MSH5: variants seen among roughly 807,000 people sequenced by gnomAD.
MSH5 encodes mutS protein homolog 5.
In MSH5, 78 loss-of-function variants were observed where a neutral mutation model predicts 107.7. That is an observed-to-expected ratio of 0.72 (90% confidence interval 0.60 to 0.87). MSH5 has a LOEUF of 0.87. Among genes scored for constraint, MSH5 ranks in the 40% least tolerant of loss-of-function variants. The pLI is 0.00. For missense variants in MSH5, 889 were observed against 1,046.6 expected, an observed-to-expected ratio of 0.85 and a Z score of 2.08; for synonymous variants, 326 against 399.5, an observed-to-expected ratio of 0.82 and a Z score of 2.19.
intron 10 of MSH5, among the ~76,000 whole-genome samples, chr6:31,750,845 A>G (rs1366375459): frequency 1.3e-5 from 2 of 152,206 alleles, no homozygotes; most frequent in Admixed American, 6.5e-5. Context: ...TGGCTCTTAT[A>G]TAAGATGGCA....
Position 31,761,060 on chromosome 6 carries a change from C to A in MSH5, c.1963-128C>A. The A allele has an allele frequency of 9.6e-7, 1 of 1,044,516 alleles. No homozygotes were observed. Among genetic ancestry groups the A allele is most frequent in the Non-Finnish European group, 1.4e-6 (1 of 708,210 alleles). The allele number at this position is 1,044,516 out of a possible 1,614,324, so 64.7% of individuals were successfully genotyped here. On this transcript the variant is annotated intron_variant, in intron 20 of 24. Coordinates refer to ENST00000375750, the MANE Select transcript of MSH5 (RefSeq NM_172166.4). This position sits in a 1 kb window ranked among gnomAD's most constrained non-coding sequence, Gnocchi z 5.3. ...GCAAAGAGGATGAACAAAGCGTGCA[C>A]CTCACCATTCAAGAACTTGCAGTGC...
Position 31,758,077 on chromosome 6 carries a change from C to G in MSH5, c.1015-88C>G. 1 of 1,527,780 alleles carries G rather than the reference C, an allele frequency of 6.5e-7. No homozygotes were observed. The highest frequency in any genetic ancestry group is 9.0e-7 in the Non-Finnish European group (1 of 1,111,094). 94.6% of individuals were successfully genotyped at this position (1,527,780 alleles called of 1,614,324 possible). A position where few individuals can be genotyped will look rare whatever the true frequency, so the allele number is the denominator to read the frequency against. On this transcript the variant is annotated intron_variant, in intron 12 of 24. Coordinates refer to ENST00000375750, the MANE Select transcript of MSH5 (RefSeq NM_172166.4). This position sits in a 1 kb window ranked among gnomAD's most constrained non-coding sequence, Gnocchi z 5.1. The stretch of plus-strand genomic sequence containing the variant: ...CTCTTTGTTACTGTGATCTTCCCTA[C>G]TGGTCTTTGTTCTTCTGAGTCTGTC...
At chr6:31,741,060 C>T in intron 2 of MSH5, 103 bp from the exon 3 acceptor site, 3 of 1,432,558 alleles carry the variant, frequency 2.1e-6, no homozygotes, top group Non-Finnish European at 2.8e-6. Context: ...GTGATGATGC[C>T]TATCTCAGAG....
intron 8 of MSH5, 110 bp from the exon 9 acceptor site, chr6:31,745,122 AAAAAG>A: frequency 6.2e-6 from 4 of 641,896 alleles, no homozygotes; most frequent in Admixed American, 3.0e-5. Context: ...AAAAAAAAAA[AAAAAG>A]ACGTGATCTC....
At chr6:31,751,800 T>C (rs1809982005) in intron 10 of MSH5, 1 of 151,698 alleles carries the variant, frequency 6.6e-6, no homozygotes, top group Non-Finnish European at 1.5e-5. Flanking sequence ...ATAAAAACTA[T>C]TAATAGTAAT....
chr6:31,741,656 A>G (rs1808922893), intron 3 of MSH5, among the ~76,000 whole-genome samples: 1 of 152,110 alleles, frequency 6.6e-6, no homozygotes. Flanking sequence ...TGCTGGGACT[A>G]CAGGTGTGAG....
rs754163779 is a variant in MSH5 at position 31,758,518 on chromosome 6, G to A, written c.1144-30G>A. 1 of 1,611,644 alleles carries A rather than the reference G, an allele frequency of 6.2e-7. No individual in the cohort carries two copies. The highest frequency in any genetic ancestry group is 2.2e-5 in the East Asian group (1 of 44,866). On this transcript the variant is annotated intron_variant, in intron 13 of 24. Coordinates refer to ENST00000375750, the MANE Select transcript of MSH5 (RefSeq NM_172166.4). The surrounding 1 kb of genome is among the most constrained non-coding windows in gnomAD (Gnocchi z 5.1). Reference sequence around the variant, plus strand: ...CTGAGGAACAGGACAGAGGGTGCCAGGTCCTAAGAAACAGTACTTATCTCC... The same window carrying A: ...CTGAGGAACAGGACAGAGGGTGCCAAGTCCTAAGAAACAGTACTTATCTCC...
chr6:31,743,114 A>T lies in MSH5; in HGVS notation c.359A>T (p.Gln120Leu). Residue 120 changes from glutamine (Q) to leucine (L), a missense_variant, in exon 5 of 25, where the codon CAG becomes CTG. Around this residue, in one of 3 missense-constraint regions of MSH5, gnomAD observed 518 missense variants for 565.0 expected, o/e 0.92. Coordinates refer to ENST00000375750, the MANE Select transcript of MSH5 (RefSeq NM_172166.4). ...TTTCTTTCCTCCCCCACAGCCTCCC[A>T]GGAGCACAGAGAGCCTAAAAGACCT... ...MTRFLGKLAS[Q>L]EHREPKRPEI... The T allele has an allele frequency of 6.2e-7, 1 of 1,613,044 alleles. No individual in the cohort carries two copies. The highest frequency in any genetic ancestry group is 1.3e-5 in the African/African-American group (1 of 75,050).
rs1208079812 is a variant in MSH5, at chr6:31,761,384, G to C, written c.2038-88G>C. ...GGGCTGTGTGGGCAGAAAAGAAATA[G>C]AACACGAGACAGGGAAAGGCAGTGC... On this transcript the variant is annotated intron_variant, in intron 21 of 24. Transcript: ENST00000375750. This position sits in a 1 kb window ranked among gnomAD's most constrained non-coding sequence, Gnocchi z 5.3. 1.2e-6 allele frequency: 2 copies of C among 1,604,874 alleles called. No homozygotes were observed. Among genetic ancestry groups the C allele is most frequent in the Non-Finnish European group, 1.7e-6 (2 of 1,174,758 alleles).
chr6:31,747,690 A>G (rs887030192), intron 10 of MSH5, among the ~76,000 whole-genome samples: 1 of 152,092 alleles, frequency 6.6e-6, no homozygotes, highest in Non-Finnish European at 1.5e-5. Flanking sequence ...AGACTTGCAC[A>G]CATACAAGCA....
chr6:31,745,477 C>G (rs1809350997), intron 9 of MSH5, among the ~76,000 whole-genome samples, 158 bp downstream of exon 9: 1 of 152,082 alleles, frequency 6.6e-6, no homozygotes, highest in Non-Finnish European at 1.5e-5. Context: ...CCCCCCGCCC[C>G]CCAAGCTTGA....
chr6:31,761,639 C>T lies in MSH5; in HGVS notation c.2181+24C>T, dbSNP rs756822842. On this transcript the variant is annotated intron_variant, in intron 22 of 24. Transcript: ENST00000375750. This position sits in a 1 kb window ranked among gnomAD's most constrained non-coding sequence, Gnocchi z 5.3. ...TGGTGAGGAGACCAATCTAGCTCCTCGGGGACCCCCAGGCTGGGCATTTCC... is the reference window on the plus strand; with the variant it reads ...TGGTGAGGAGACCAATCTAGCTCCTTGGGGACCCCCAGGCTGGGCATTTCC... The T allele has an allele frequency of 8.0e-5, 129 of 1,613,810 alleles. 2 individuals are homozygous for T. The South Asian group carries it at 9.7e-4, about 12-fold the overall frequency.
rs1810909364 is a variant in MSH5, at chr6:31,760,673, T to C, written c.1813-17T>C. ...CCACGGCACCAGGCCCCAGGCCCTG[T>C]CTCCTTCCCTATTCAGGTAGGCTTG... On this transcript the variant is annotated splice_polypyrimidine_tract_variant and intron_variant, in intron 19 of 24. Coordinates refer to ENST00000375750, the MANE Select transcript of MSH5 (RefSeq NM_172166.4). The surrounding 1 kb of genome is among the most constrained non-coding windows in gnomAD (Gnocchi z 5.6). 4.3e-6 allele frequency: 7 copies of C among 1,612,796 alleles called. No homozygotes were observed. In the East Asian group the frequency reaches 1.6e-4, roughly 36 times the overall value.
Position 31,759,115 on chromosome 6 carries a change from A to C in MSH5, c.1345A>C (p.Ile449Leu). 1 of 1,612,940 alleles carries C rather than the reference A, an allele frequency of 6.2e-7. No homozygotes were observed. Among genetic ancestry groups the C allele is most frequent in the Non-Finnish European group, 8.5e-7 (1 of 1,179,994 alleles). Residue 449 changes from isoleucine to leucine, a missense_variant, in exon 16 of 25, where the codon ATT becomes CTT. Around this residue, in one of 3 missense-constraint regions of MSH5, gnomAD observed 518 missense variants for 565.0 expected, o/e 0.92. Coordinates refer to ENST00000375750, the MANE Select transcript of MSH5 (RefSeq NM_172166.4). This position sits in a 1 kb window ranked among gnomAD's most constrained non-coding sequence, Gnocchi z 4.7. Reference sequence around the variant, plus strand: ...TCCCCAGATTGGCTTCCTTCTTTCTATTCCCCGCCTGCCTTCCATGGTAGA... The same window carrying C: ...TCCCCAGATTGGCTTCCTTCTTTCTCTTCCCCGCCTGCCTTCCATGGTAGA... ...YIPLIGFLLS[I>L]PRLPSMVEAS...
At chr6:31,753,278 C>T in intron 10 of MSH5, 23 bp from the exon 11 acceptor site, 2 of 1,580,702 alleles carry the variant, frequency 1.3e-6, no homozygotes, top group Non-Finnish European at 8.6e-7. Flanking sequence ...TTGTAGTACC[C>T]CCACCCAAAC....
chr6:31,758,580 C>T lies in MSH5; in HGVS notation c.1176C>T (p.Arg392=), dbSNP rs955304321. 6.2e-7 allele frequency: 1 copy of T among 1,613,812 alleles called. No homozygotes were observed. Among genetic ancestry groups the T allele is most frequent in the Non-Finnish European group, 8.5e-7 (1 of 1,180,028 alleles). ...VDFEGSLAEN[R]FTVLPNIDPE... is the part of the protein sequence containing the mutation. ...TTGAGGGCAGCCTTGCTGAAAATCG[C>T]TTCACAGTCCTCCCCAACATAGATC... Residue 392 remains arginine, a synonymous_variant, in exon 14 of 25, where the codon CGC becomes CGT. Transcript: ENST00000375750. This position sits in a 1 kb window ranked among gnomAD's most constrained non-coding sequence, Gnocchi z 5.1.
rs1356966946 is a variant in MSH5 at position 31,761,020 on chromosome 6, T to C, written c.1963-168T>C. 1.3e-5 allele frequency among the ~76,000 whole-genome samples: 2 copies of C among 152,246 alleles called. No individual in the cohort carries two copies. Among genetic ancestry groups the C allele is most frequent in the Admixed American group, 6.5e-5 (1 of 15,286 alleles). Reference sequence around the variant, plus strand: ...AAACATTTCTTGAACCCTTGTTTCATGTGAGTCACTGTTGGCAAAGAGGAT... The same window carrying C: ...AAACATTTCTTGAACCCTTGTTTCACGTGAGTCACTGTTGGCAAAGAGGAT... On this transcript the variant is annotated intron_variant, in intron 20 of 24. Coordinates refer to ENST00000375750, the MANE Select transcript of MSH5 (RefSeq NM_172166.4). The surrounding 1 kb of genome is among the most constrained non-coding windows in gnomAD (Gnocchi z 5.3).
Position 31,743,301 on chromosome 6 carries a change from A to G in MSH5, c.415+131A>G, listed in dbSNP as rs17201102. The G allele has an allele frequency of 9.2e-3, 8,414 of 915,870 alleles. 153 individuals carry two copies. The highest frequency in any genetic ancestry group is 0.064 in the African/African-American group (3,884 of 61,146). The allele number at this position is 915,870 out of a possible 1,614,324, so 56.7% of individuals were successfully genotyped here. On this transcript the variant is annotated intron_variant, in intron 5 of 24. Transcript: ENST00000375750. Reference sequence around the variant, plus strand: ...TAAACCTTTGTGCTCCTCATGCCCTATGACCTGTCCCCCCAAGATCTCTCC... The same window carrying G: ...TAAACCTTTGTGCTCCTCATGCCCTGTGACCTGTCCCCCCAAGATCTCTCC...
chr6:31,742,282 T>C (rs551324257), intron 3 of MSH5, among the ~76,000 whole-genome samples: 1 of 152,288 alleles, frequency 6.6e-6, no homozygotes, highest in Non-Finnish European at 1.5e-5. Flanking sequence ...TTTGAGACAG[T>C]GTCTTGCTCC....
Sources: gnomAD v4.1 joint callset for allele counts (sites outside exome capture counted in the v4.1 genomes callset) on GRCh38, gnomAD v4.1.1 for gene constraint, gnomAD v4.1.1 regional missense constraint, Gnocchi (gnomAD v3.1) non-coding constraint, MANE v1.5 for transcripts, NCBI Gene and HGNC (gene_info 2026-07-23, HGNC 2026-07-21) for gene names.